The following PEX7 variants were observed in gnomAD, a reference collection of about 807,000 sequenced individuals.
PEX7 encodes the protein PTS2 receptor.
A neutral mutation model predicts 47.5 loss-of-function variants in PEX7; 34 were observed. That is an observed-to-expected ratio of 0.72 (90% CI 0.54 to 0.95). PEX7 has a LOEUF of 0.95. Ranked by LOEUF, PEX7 falls within the 40% of genes least tolerant of loss-of-function variation. PEX7 has a pLI of 0.00. For synonymous variants in PEX7, 141 were observed against 148.8 expected (o/e 0.95, Z 0.38); for missense variants, 394 against 400.3 (o/e 0.98, Z 0.13).
intron 3 of PEX7, among the ~76,000 whole-genome samples, chr6:136,832,431 A>G (rs1431169211): frequency 1.3e-5 from 2 of 152,256 alleles, no homozygotes; most frequent in African/African-American, 4.8e-5. Flanking sequence ...TGTCTCTGAC[A>G]TGCCTTGGAT....
At chr6:136,842,474 CT>C (rs1408784317) in intron 3 of PEX7, among the ~76,000 whole-genome samples, 1 of 152,216 alleles carries the variant, frequency 6.6e-6, no homozygotes, top group Non-Finnish European at 1.5e-5. Flanking sequence ...GCTGGATTCT[CT>C]TGAGCCGGTG....
chr6:136,844,931 A>G (rs1774568817), intron 3 of PEX7, among the ~76,000 whole-genome samples: 1 of 152,258 alleles, frequency 6.6e-6, no homozygotes, highest in Non-Finnish European at 1.5e-5. Context: ...TACCAATGGC[A>G]TATACTCAGG....
intron 5 of PEX7, among the ~76,000 whole-genome samples, chr6:136,861,678 T>G (rs1050757882): frequency 6.6e-6 from 1 of 151,840 alleles, no homozygotes; most frequent in Admixed American, 6.6e-5. Context: ...GTGATAGAAC[T>G]GGGACTATGT....
intron 3 of PEX7, among the ~76,000 whole-genome samples, chr6:136,832,320 C>A (rs1774309231): frequency 6.6e-6 from 1 of 152,250 alleles, no homozygotes; most frequent in African/African-American, 2.4e-5. Context: ...ATGCAGGGCA[C>A]CATGTCTTGA....
chr6:136,879,878 G>A (rs1385372457), intron 8 of PEX7, among the ~76,000 whole-genome samples: 1 of 151,756 alleles, frequency 6.6e-6, no homozygotes, highest in Non-Finnish European at 1.5e-5. Flanking sequence ...ATGTTTTTGT[G>A]TGAATCTGCT....
At position 136,913,701 on chromosome 6, in the gene PEX7, G is replaced by C; in HGVS notation, c.*175G>C. 1 of 628,202 alleles carries C rather than the reference G, an allele frequency of 1.6e-6. No homozygotes were observed. The highest frequency in any genetic ancestry group is 2.8e-6 in the Non-Finnish European group (1 of 352,328). 38.9% of individuals were successfully genotyped at this position (628,202 alleles called of 1,614,324 possible). On this transcript the variant is annotated 3_prime_UTR_variant, in exon 10 of 10. Coordinates refer to ENST00000318471, the MANE Select transcript of PEX7 (RefSeq NM_000288.4). ...AGCTGATAAAGACTTTAGCTGACTCGTTAAGCCTGATACATAAGCCATATT... is the reference window on the plus strand; with the variant it reads ...AGCTGATAAAGACTTTAGCTGACTCCTTAAGCCTGATACATAAGCCATATT...
At chr6:136,829,914 A>G in intron 3 of PEX7, 1 of 678,434 alleles carries the variant, frequency 1.5e-6, no homozygotes. Context: ...TCCAGCCTGG[A>G]CAACAGAGTG....
intron 8 of PEX7, 45 bp from the exon 9 acceptor site, chr6:136,898,097 G>T: frequency 9.0e-7 from 1 of 1,115,612 alleles, no homozygotes; most frequent in South Asian, 1.2e-5. Flanking sequence ...TAAGTTTTTT[G>T]GTAGTTTTAG....
Position 136,871,695 on chromosome 6 carries a change from A to C in PEX7, c.748-503A>C, listed in dbSNP as rs576064991. On this transcript the variant is annotated intron_variant, in intron 7 of 9. Transcript: ENST00000318471. ...TGCTTCAGCTTCCCCAGAAGCTGAG[A>C]TTATAGGCATATGTGCCACCATGCC... Among the ~76,000 whole-genome samples the C allele has an allele frequency of 2.0e-5, 3 of 152,184 alleles. No homozygotes were observed. The South Asian group carries it at 6.2e-4, about 32-fold the overall frequency.
In PEX7 at chr6:136,872,188, T is replaced by C. The variant is rs886061122; in HGVS notation, c.748-10T>C. The C allele has an allele frequency of 3.7e-6, 6 of 1,606,960 alleles. No homozygotes were observed. The highest frequency in any genetic ancestry group is 1.7e-5 in the Admixed American group (1 of 59,684). On this transcript the variant is annotated splice_polypyrimidine_tract_variant and intron_variant, in intron 7 of 9. Coordinates refer to ENST00000318471, the MANE Select transcript of PEX7 (RefSeq NM_000288.4). The stretch of plus-strand genomic sequence containing the variant: ...CAAAAAGGGTTTTTTTTTTCTTTTT[T>C]TTTTTGTAGTTTTCACCATTTCATG...
intron 5 of PEX7, among the ~76,000 whole-genome samples, chr6:136,856,291 TAAAAAAAAAAA>T (rs397759780): frequency 1.4e-5 from 1 of 70,596 alleles, no homozygotes; most frequent in African/African-American, 4.7e-5. Context: ...TGGTTGAAAG[TAAAAAAAAAAA>T]AAAAAAAAAA....
At chr6:136,909,107 AC>A (rs1393246900) in intron 9 of PEX7, among the ~76,000 whole-genome samples, 1 of 152,180 alleles carries the variant, frequency 6.6e-6, no homozygotes, top group Non-Finnish European at 1.5e-5. Flanking sequence ...AGAGACCAGG[AC>A]CCTTGTGTTT....
At chr6:136,831,598 G>T (rs986657459) in intron 3 of PEX7, among the ~76,000 whole-genome samples, 1 of 152,194 alleles carries the variant, frequency 6.6e-6, no homozygotes, top group African/African-American at 2.4e-5. Flanking sequence ...CTGAGACAAG[G>T]CAAGTCCCTT....
intron 9 of PEX7, among the ~76,000 whole-genome samples, chr6:136,904,087 T>C (rs1428896665): frequency 6.6e-6 from 1 of 152,164 alleles, no homozygotes; most frequent in Non-Finnish European, 1.5e-5. Flanking sequence ...CTTTAATGAG[T>C]TTAGAAAATT....
intron 8 of PEX7, among the ~76,000 whole-genome samples, chr6:136,881,835 G>A (rs1775380422): frequency 6.6e-6 from 1 of 152,126 alleles, no homozygotes; most frequent in African/African-American, 2.4e-5. Flanking sequence ...CAGGGAGCGG[G>A]GGATAGATAT....
At chr6:136,863,790 T>C (rs1775008746) in intron 5 of PEX7, among the ~76,000 whole-genome samples, 1 of 152,080 alleles carries the variant, frequency 6.6e-6, no homozygotes. Flanking sequence ...GCGCTTGTAG[T>C]CGCAGCTACT....
At position 136,822,674 on chromosome 6, in the gene PEX7, G is replaced by C. The variant is rs1475959844; in HGVS notation, c.9G>C (p.Ala3=). ...CGGGGGCGGCGGGCGGGATGAGTGC[G>C]GTGTGCGGTGGAGCGGCGCGGATGC... MS[A]VCGGAARMLR... is the part of the protein sequence containing the mutation. Residue 3 remains alanine, a synonymous_variant, in exon 1 of 10, where the codon GCG becomes GCC. Coordinates refer to ENST00000318471, the MANE Select transcript of PEX7 (RefSeq NM_000288.4). The C allele has an allele frequency of 1.0e-5, 16 of 1,523,826 alleles. No homozygotes were observed. The highest frequency in any genetic ancestry group is 1.2e-5 in the Non-Finnish European group (14 of 1,141,658). The allele number at this position is 1,523,826 out of a possible 1,614,324, so 94.4% of individuals were successfully genotyped here.
chr6:136,837,812 C>CTACACA lies in PEX7; in HGVS notation c.340-7803_340-7802insTACACA, dbSNP rs374578981. ...AGAATGAAAGCAATGAATTTAAACG[C>CTACACA]CACACACACACACACACACACACAC... On this transcript the variant is annotated intron_variant, in intron 3 of 9. Coordinates refer to ENST00000318471, the MANE Select transcript of PEX7 (RefSeq NM_000288.4). 3.0e-4 allele frequency among the ~76,000 whole-genome samples: 44 copies of CTACACA among 146,814 alleles called. No homozygotes were observed. The East Asian group carries it at 7.5e-3, about 25-fold the overall frequency.
chr6:136,873,948 T>G (rs1775224250), intron 8 of PEX7, among the ~76,000 whole-genome samples: 1 of 152,198 alleles, frequency 6.6e-6, no homozygotes, highest in African/African-American at 2.4e-5. Context: ...TGAACCAACC[T>G]TGCATTCCTG....
Sources: gnomAD v4.1 joint callset for allele counts (sites outside exome capture counted in the v4.1 genomes callset) on GRCh38, gnomAD v4.1.1 for gene constraint, MANE v1.5 for transcripts, NCBI Gene and HGNC (gene_info 2026-07-23, HGNC 2026-07-21) for gene names.